The following CAMTA1 variants were observed in gnomAD, a reference collection of about 807,000 sequenced individuals.
CAMTA1 encodes the protein calmodulin binding transcription activator 1.
Under a neutral mutation model 170.9 loss-of-function variants are expected in CAMTA1, and 27 were observed. The observed-to-expected ratio is 0.16, with a 90% CI of 0.12 to 0.22. The LOEUF (loss-of-function observed/expected upper bound fraction) is 0.22, where lower values mean the gene tolerates loss of function less well. Ranked by LOEUF, CAMTA1 falls within the 10% of genes least tolerant of loss-of-function variation. The probability of loss-of-function intolerance (pLI) is 1.00; values close to 1 mark genes in which losing one functional copy is unlikely to be tolerated. For synonymous variants in CAMTA1, 833 were observed against 891.5 expected (o/e 0.93, Z 1.17); for missense variants, 1,619 against 2,217.2 (o/e 0.73, Z 5.42).
chr1:7,092,844 G>A lies in CAMTA1; in HGVS notation c.302+1473G>A, dbSNP rs913551839. Among the ~76,000 whole-genome samples the A allele has an allele frequency of 8.5e-5, 13 of 152,294 alleles. No individual in the cohort carries two copies. The South Asian group carries it at 1.0e-3, about 12-fold the overall frequency. On this transcript the variant is annotated intron_variant, in intron 4 of 22. Coordinates refer to ENST00000303635, the MANE Select transcript of CAMTA1 (RefSeq NM_015215.4). The surrounding 1 kb of genome is among the most constrained non-coding windows in gnomAD (Gnocchi z 5.0). ...AGCCCCCTCTGCCTGGGAAGTTGGC[G>A]TCTCCCAGAGGAGGGCAGAGGCTTA...
At chr1:7,242,330 T>A (rs1238159516) in intron 4 of CAMTA1, among the ~76,000 whole-genome samples, 2 of 152,138 alleles carry the variant, frequency 1.3e-5, no homozygotes, top group Non-Finnish European at 2.9e-5. Context: ...CCATTCCTAG[T>A]GGGAATGAAT....
intron 3 of CAMTA1, among the ~76,000 whole-genome samples, chr1:7,068,155 C>A (rs1709202327): frequency 6.6e-6 from 1 of 152,126 alleles, no homozygotes; most frequent in Admixed American, 6.5e-5. Context: ...TTTTGCAGCC[C>A]AAAATATCCT....
chr1:6,868,330 AAAAC>A (rs1667342401), intron 3 of CAMTA1, among the ~76,000 whole-genome samples: 1 of 151,114 alleles, frequency 6.6e-6, no homozygotes, highest in Non-Finnish European at 1.5e-5. Context: ...AAAACAAAAC[AAAAC>A]AAAACAAAAC....
chr1:7,494,986 G>A (rs547167271), intron 6 of CAMTA1, among the ~76,000 whole-genome samples: 1 of 152,194 alleles, frequency 6.6e-6, no homozygotes, highest in Non-Finnish European at 1.5e-5. Flanking sequence ...GACTGTGGGT[G>A]AGTGGGGCCA....
At chr1:7,763,490 G>A (rs1457053203) in intron 22 of CAMTA1, among the ~76,000 whole-genome samples, 3 of 152,270 alleles carry the variant, frequency 2.0e-5, no homozygotes, top group Middle Eastern at 3.4e-3. Context: ...CCTTAACCTC[G>A]TGGTCTGTGA....
At chr1:7,418,016 C>T (rs11120917) in intron 5 of CAMTA1, among the ~76,000 whole-genome samples, 46,882 of 151,964 alleles carry the variant, frequency 0.31, 7,558 homozygotes, top group Non-Finnish European at 0.34. Context: ...CCTCCTTGGC[C>T]ATTCCTCAGC....
chr1:7,032,849 T>C (rs925434669), intron 3 of CAMTA1, among the ~76,000 whole-genome samples: 1 of 152,208 alleles, frequency 6.6e-6, no homozygotes, highest in African/African-American at 2.4e-5. Flanking sequence ...TTTTTGTTTT[T>C]TCTCTTAGCA....
In CAMTA1 at chr1:7,248,104, G is replaced by T. The variant is rs1009230166; in HGVS notation, c.303-1387G>T. Among the ~76,000 whole-genome samples the T allele has an allele frequency of 6.6e-6, 1 of 152,188 alleles. No individual in the cohort carries two copies. Among genetic ancestry groups the T allele is most frequent in the African/African-American group, 2.4e-5 (1 of 41,440 alleles). On this transcript the variant is annotated intron_variant, in intron 4 of 22. Coordinates refer to ENST00000303635, the MANE Select transcript of CAMTA1 (RefSeq NM_015215.4). The surrounding 1 kb of genome is among the most constrained non-coding windows in gnomAD (Gnocchi z 4.0). ...TATTGCCGCTGAATGACATAGTGGGGCTGGGTGGAAACTACAATTAGCTGC... is the reference window on the plus strand; with the variant it reads ...TATTGCCGCTGAATGACATAGTGGGTCTGGGTGGAAACTACAATTAGCTGC...
intron 6 of CAMTA1, among the ~76,000 whole-genome samples, chr1:7,594,100 GAAGA>G (rs1553214762): frequency 2.1e-4 from 27 of 128,910 alleles, no homozygotes; most frequent in African/African-American, 3.4e-4. Flanking sequence ...AGAGAGGAAA[GAAGA>G]AAGAAAGAAA....
chr1:7,250,716 GA>G (rs1342878538), intron 5 of CAMTA1, among the ~76,000 whole-genome samples: 4 of 152,126 alleles, frequency 2.6e-5, no homozygotes, highest in Non-Finnish European at 5.9e-5. Context: ...CTCACAGAGG[GA>G]TGACTTTTGT....
chr1:7,709,635 A>T (rs17031453), intron 11 of CAMTA1, among the ~76,000 whole-genome samples: 2,664 of 152,334 alleles, frequency 0.017, 66 homozygotes, highest in African/African-American at 0.061. Flanking sequence ...CCAGACTGAG[A>T]ATATTGGCCA....
chr1:6,859,287 G>A (rs1663733440), intron 3 of CAMTA1, among the ~76,000 whole-genome samples: 1 of 152,096 alleles, frequency 6.6e-6, no homozygotes, highest in Admixed American at 6.5e-5. Context: ...TATACACCAT[G>A]TTGTGGACAT....
intron 6 of CAMTA1, among the ~76,000 whole-genome samples, 163 bp from the exon 7 acceptor site, chr1:7,640,237 C>G (rs1470564628): frequency 1.3e-5 from 2 of 152,130 alleles, no homozygotes; most frequent in East Asian, 3.9e-4. Context: ...GCCGGACAGC[C>G]CCCACCACAG....
At chr1:7,134,861 C>A (rs1293892332) in intron 4 of CAMTA1, among the ~76,000 whole-genome samples, 1 of 152,030 alleles carries the variant, frequency 6.6e-6, no homozygotes, top group African/African-American at 2.4e-5. Flanking sequence ...AAGGATGCAT[C>A]CAACAGAGGT....
In CAMTA1 at chr1:7,190,000, G is replaced by A. The variant is rs115764004; in HGVS notation, c.303-59491G>A. ...CATTTGCAGTAACCTGGAGGGGATT[G>A]GAGATTATTTTTCTAAGTGAAGTAA... On this transcript the variant is annotated intron_variant, in intron 4 of 22. Coordinates refer to ENST00000303635, the MANE Select transcript of CAMTA1 (RefSeq NM_015215.4). 2.9e-3 allele frequency among the ~76,000 whole-genome samples: 437 copies of A among 152,274 alleles called. 3 individuals are homozygous for A. The highest frequency in any genetic ancestry group is 1.0e-2 in the African/African-American group (414 of 41,546).
Position 7,675,213 on chromosome 1 carries a change from C to T in CAMTA1, c.2780-2386C>T, listed in dbSNP as rs116213446. Among the ~76,000 whole-genome samples, 9 of 152,142 alleles carry T rather than the reference C, an allele frequency of 5.9e-5. No individual in the cohort carries two copies. The East Asian group carries it at 7.7e-4, about 13-fold the overall frequency. ...CCTGGGGCAGAAAGAGGTTTGGCAA[C>T]GTGGAGAATCTAAAGCCTGAGAAAG... On this transcript the variant is annotated intron_variant, in intron 10 of 22. Transcript: ENST00000303635.
Position 7,274,924 on chromosome 1 carries a change from T to C in CAMTA1, c.438+25298T>C, listed in dbSNP as rs144609586. On this transcript the variant is annotated intron_variant, in intron 5 of 22. Coordinates refer to ENST00000303635, the MANE Select transcript of CAMTA1 (RefSeq NM_015215.4). ...TGGGAGGCCAAAGCGGGCAAATCAC[T>C]TGAGGTCAGGAGTTCGAGACCAGCC... 6.0e-3 allele frequency among the ~76,000 whole-genome samples: 905 copies of C among 152,018 alleles called. 12 individuals carry two copies. Among genetic ancestry groups the C allele is most frequent in the African/African-American group, 0.021 (871 of 41,492 alleles).
At chr1:7,003,394 A>G (rs1698525762) in intron 3 of CAMTA1, among the ~76,000 whole-genome samples, 1 of 152,210 alleles carries the variant, frequency 6.6e-6, no homozygotes, top group South Asian at 2.1e-4. Context: ...CTGTCAATGT[A>G]GAGTAATGTG....
chr1:7,766,751 G>T lies in CAMTA1; in HGVS notation c.*260G>T. On this transcript the variant is annotated 3_prime_UTR_variant, in exon 23 of 23. Transcript: ENST00000303635. ...ACATCTTGGAACTCAATCTTCTGTTGGATCACGGGAAATCAAGACACCCAG... is the reference window on the plus strand; with the variant it reads ...ACATCTTGGAACTCAATCTTCTGTTTGATCACGGGAAATCAAGACACCCAG... 1 of 476,574 alleles carries T rather than the reference G, an allele frequency of 2.1e-6. No individual in the cohort carries two copies. The highest frequency in any genetic ancestry group is 3.8e-6 in the Non-Finnish European group (1 of 265,222). 29.5% of individuals were successfully genotyped at this position (476,574 alleles called of 1,614,324 possible).
Sources: allele counts gnomAD v4.1 joint callset (sites outside exome capture counted in the v4.1 genomes callset), GRCh38; gene constraint gnomAD v4.1.1; non-coding constraint Gnocchi (gnomAD v3.1); transcripts MANE v1.5; gene names NCBI Gene and HGNC (gene_info 2026-07-23, HGNC 2026-07-21).